The following UBE2W variants were observed in gnomAD, a reference collection of about 807,000 sequenced individuals.
UBE2W encodes the protein ubiquitin-conjugating enzyme E2 W.
A neutral mutation model predicts 27.2 loss-of-function variants in UBE2W; 18 were observed. That is an observed-to-expected ratio of 0.66 (90% CI 0.46 to 0.98). The LOEUF is 0.98. UBE2W is among the 50% of genes least tolerant of loss of function. The probability of loss-of-function intolerance (pLI) is 0.00; values close to 1 mark genes in which losing one functional copy is unlikely to be tolerated. For synonymous variants in UBE2W, 53 were observed against 57.2 expected, an observed-to-expected ratio of 0.93 and a Z score of 0.33; for missense variants, 90 against 180.2, an observed-to-expected ratio of 0.50 and a Z score of 2.87.
rs1808243860 is a variant in UBE2W, at chr8:73,792,450, T to C, written c.*1652A>G. The C allele has an allele frequency of 2.0e-6, 2 of 985,696 alleles. No homozygotes were observed. Among genetic ancestry groups the C allele is most frequent in the African/African-American group, 3.5e-5 (2 of 57,362 alleles). The allele number at this position is 985,696 out of a possible 1,614,324, so 61.1% of individuals were successfully genotyped here. ...TGAGTGTAAAATTATATGCCCTTAA[T>C]TAACAACATGTACAAAGCTACAAAA... is the stretch of plus-strand genomic sequence containing the variant. On this transcript the variant is annotated 3_prime_UTR_variant, in exon 6 of 6. Transcript: ENST00000602593.
chr8:73,820,186 G>A (rs963052453), intron 3 of UBE2W, among the ~76,000 whole-genome samples: 5 of 152,128 alleles, frequency 3.3e-5, no homozygotes, highest in African/African-American at 9.7e-5. Flanking sequence ...TACTGCCCTA[G>A]AGGACTGGTT....
intron 2 of UBE2W, 120 bp downstream of exon 2, chr8:73,830,261 C>CTA (rs1810018493): frequency 1.4e-6 from 1 of 700,362 alleles, no homozygotes; most frequent in South Asian, 1.9e-5. Flanking sequence ...TCTGTTTACT[C>CTA]TATTTACCTC....
Position 73,792,106 on chromosome 8 carries a change from G to C in UBE2W, c.*1996C>G. Reference sequence around the variant, plus strand: ...TCAAACAGTAGTGTAGAGCAGTTACGCAAAATATGAAAATACATAATTTAC... The same window carrying C: ...TCAAACAGTAGTGTAGAGCAGTTACCCAAAATATGAAAATACATAATTTAC... On this transcript the variant is annotated 3_prime_UTR_variant, in exon 6 of 6. Coordinates refer to ENST00000602593, the MANE Select transcript of UBE2W (RefSeq NM_018299.6). The C allele has an allele frequency of 1.0e-6, 1 of 985,186 alleles. No homozygotes were observed. Among genetic ancestry groups the C allele is most frequent in the Non-Finnish European group, 1.2e-6 (1 of 829,786 alleles). The allele number at this position is 985,186 out of a possible 1,614,324, so 61.0% of individuals were successfully genotyped here. A position where few individuals can be genotyped will look rare whatever the true frequency, so the allele number is the denominator to read the frequency against.
At chr8:73,837,211 G>A (rs1810343773) in intron 1 of UBE2W, among the ~76,000 whole-genome samples, 2 of 152,174 alleles carry the variant, frequency 1.3e-5, no homozygotes, top group South Asian at 4.1e-4. Flanking sequence ...TGGAAAAAGT[G>A]CATTTAAAAA....
chr8:73,812,024 TTAA>T (rs1809171886), intron 3 of UBE2W, among the ~76,000 whole-genome samples: 1 of 152,052 alleles, frequency 6.6e-6, no homozygotes, highest in Non-Finnish European at 1.5e-5. Context: ...GATTTACATG[TTAA>T]TAAAGCAGTC....
At chr8:73,824,617 T>C (rs541227013) in intron 3 of UBE2W, among the ~76,000 whole-genome samples, 8 of 152,004 alleles carry the variant, frequency 5.3e-5, no homozygotes, top group South Asian at 4.1e-4. Context: ...ATGGATGGGG[T>C]TGGGGATTGG....
chr8:73,859,428 C>T (rs2130967947), intron 1 of UBE2W, among the ~76,000 whole-genome samples: 1 of 152,350 alleles, frequency 6.6e-6, no homozygotes, highest in East Asian at 1.9e-4. Flanking sequence ...ATCACTTGAA[C>T]CCAGGAGGTG....
rs1216573525 is a variant in UBE2W, at chr8:73,788,789, C to T, written c.*5313G>A. 3 of 985,124 alleles carry T rather than the reference C, an allele frequency of 3.0e-6. No individual in the cohort carries two copies. Among genetic ancestry groups the T allele is most frequent in the Admixed American group, 6.2e-5 (1 of 16,248 alleles). The allele number at this position is 985,124 out of a possible 1,614,324, so 61.0% of individuals were successfully genotyped here. ...TGTAGGACCATCCTTTTCTCAAAAC[C>T]CAGAGAGTGTATGTGCCAAGGACTA... is the stretch of plus-strand genomic sequence containing the variant. On this transcript the variant is annotated 3_prime_UTR_variant, in exon 6 of 6. Transcript: ENST00000602593.
chr8:73,849,114 C>T (rs1161298846), intron 1 of UBE2W, among the ~76,000 whole-genome samples: 1 of 152,130 alleles, frequency 6.6e-6, no homozygotes, highest in East Asian at 1.9e-4. Flanking sequence ...GAGGTGTTAA[C>T]ACTGTTTCTT....
rs371859831 is a variant in UBE2W at position 73,834,304 on chromosome 8, A to G, written c.16-3832T>C. On this transcript the variant is annotated intron_variant, in intron 1 of 5. Coordinates refer to ENST00000602593, the MANE Select transcript of UBE2W (RefSeq NM_018299.6). Reference sequence around the variant, plus strand: ...ATTTGTTTTGAATAAAGACAAATTTATGCAAATTTCTGTTTGAACAAGGTT... The same window carrying G: ...ATTTGTTTTGAATAAAGACAAATTTGTGCAAATTTCTGTTTGAACAAGGTT... Among the ~76,000 whole-genome samples the G allele has an allele frequency of 1.6e-4, 25 of 152,366 alleles. No homozygotes were observed. The South Asian group carries it at 5.2e-3, about 32-fold the overall frequency.
intron 1 of UBE2W, among the ~76,000 whole-genome samples, chr8:73,848,946 C>T (rs1810939182): frequency 6.6e-6 from 1 of 152,018 alleles, no homozygotes; most frequent in African/African-American, 2.4e-5. Context: ...AGTTGCATAA[C>T]TCCACGAATA....
chr8:73,856,357 A>ATTTTTTTTTTTTTTTT (rs34593904), intron 1 of UBE2W, among the ~76,000 whole-genome samples: 3 of 89,344 alleles, frequency 3.4e-5, no homozygotes, highest in South Asian at 4.3e-4. Context: ...ACACTTATGA[A>ATTTTTTTTTTTTTTTT]TTTTTTTTTT....
downstream of UBE2W, among the ~76,000 whole-genome samples, chr8:73,781,929 CTTTTT>C (rs71269945): frequency 1.3e-3 from 124 of 95,970 alleles, no homozygotes; most frequent in South Asian, 3.0e-3. Flanking sequence ...TAAAAGCCTC[CTTTTT>C]TTTTTTTTTT....
chr8:73,791,182 T>C lies in UBE2W; in HGVS notation c.*2920A>G. The C allele has an allele frequency of 3.1e-6, 3 of 981,588 alleles. No homozygotes were observed. The allele number at this position is 981,588 out of a possible 1,614,324, so 60.8% of individuals were successfully genotyped here. A position where few individuals can be genotyped will look rare whatever the true frequency, so the allele number is the denominator to read the frequency against. On this transcript the variant is annotated 3_prime_UTR_variant, in exon 6 of 6. Transcript: ENST00000602593. ...GAATATTAATTCCTTAAGAGAACCA[T>C]AAAATGTATTTTTAAAAAATTCTCT...
Position 73,791,773 on chromosome 8 carries a change from T to G in UBE2W, c.*2329A>C. On this transcript the variant is annotated 3_prime_UTR_variant, in exon 6 of 6. Coordinates refer to ENST00000602593, the MANE Select transcript of UBE2W (RefSeq NM_018299.6). ...ATATTTTAGGATATTTCATCTTATTTTCTACTCTTTAAACCATAAGATGTA... is the reference window on the plus strand; with the variant it reads ...ATATTTTAGGATATTTCATCTTATTGTCTACTCTTTAAACCATAAGATGTA... The G allele has an allele frequency of 1.0e-6, 1 of 984,844 alleles. No homozygotes were observed. Among genetic ancestry groups the G allele is most frequent in the Non-Finnish European group, 1.2e-6 (1 of 829,382 alleles). 61.0% of individuals were successfully genotyped at this position (984,844 alleles called of 1,614,324 possible). A position where few individuals can be genotyped will look rare whatever the true frequency, so the allele number is the denominator to read the frequency against.
intron 1 of UBE2W, among the ~76,000 whole-genome samples, chr8:73,832,136 A>AATATATATATAT (rs111764105): frequency 5.5e-5 from 8 of 145,348 alleles, no homozygotes; most frequent in African/African-American, 2.1e-4. Flanking sequence ...AAAATAAATA[A>AATATATATATAT]ATATATATAT....
At chr8:73,838,556 AAAGT>A (rs1810404061) in intron 1 of UBE2W, among the ~76,000 whole-genome samples, 1 of 152,186 alleles carries the variant, frequency 6.6e-6, no homozygotes, top group African/African-American at 2.4e-5. Context: ...CCTGCACAAC[AAAGT>A]GAGACCACGT....
chr8:73,787,718 T>A lies in UBE2W; in HGVS notation c.*6384A>T, dbSNP rs903136899. On this transcript the variant is annotated 3_prime_UTR_variant, in exon 6 of 6. Coordinates refer to ENST00000602593, the MANE Select transcript of UBE2W (RefSeq NM_018299.6). Reference sequence around the variant, plus strand: ...TTCTTGCAGCTTCAAGAGTCACTCATTTAAGTCATTAGTTGATCTGTTTGT... The same window carrying A: ...TTCTTGCAGCTTCAAGAGTCACTCAATTAAGTCATTAGTTGATCTGTTTGT... The A allele has an allele frequency of 2.0e-6, 2 of 985,320 alleles. No homozygotes were observed. The highest frequency in any genetic ancestry group is 3.5e-5 in the African/African-American group (2 of 57,240). 61.0% of individuals were successfully genotyped at this position (985,320 alleles called of 1,614,324 possible).
intron 3 of UBE2W, among the ~76,000 whole-genome samples, chr8:73,810,882 T>G (rs1262555390): frequency 1.3e-5 from 2 of 152,164 alleles, no homozygotes; most frequent in African/African-American, 4.8e-5. Context: ...TGATAAATTC[T>G]CCTTAAAAAT....
Sources: gnomAD v4.1 joint callset for allele counts (sites outside exome capture counted in the v4.1 genomes callset) on GRCh38, gnomAD v4.1.1 for gene constraint, MANE v1.5 for transcripts, NCBI Gene and HGNC (gene_info 2026-07-23, HGNC 2026-07-21) for gene names.